Variants in MME observed in about 807,000 individuals in gnomAD.
MME encodes the protein neprilysin.
MME carries 98 observed loss-of-function variants against 113.2 expected under a neutral mutation model. That is an observed-to-expected ratio of 0.87 (90% CI 0.74 to 1.02). MME has a LOEUF of 1.02. Ranked by LOEUF, MME falls within the 50% of genes least tolerant of loss-of-function variation. MME has a pLI of 0.00. For synonymous variants in MME, 292 were observed against 300.6 expected, an observed-to-expected ratio of 0.97 and a Z score of 0.30; for missense variants, 836 against 896.0, an observed-to-expected ratio of 0.93 and a Z score of 0.86.
In MME at chr3:155,088,570, CT is replaced by C. The variant is rs533649147; in HGVS notation, c.196+3477del. Among the ~76,000 whole-genome samples, 68 of 151,672 alleles carry C rather than the reference CT, an allele frequency of 4.5e-4. No homozygotes were observed. The East Asian group carries it at 7.8e-3, about 17-fold the overall frequency. Reference sequence around the variant, plus strand: ...TGGTGGCGCATGCCTGTAATTCCAGCTACTCAGGAGGCTGAGGCAGGAGAAT... The same window carrying C: ...TGGTGGCGCATGCCTGTAATTCCAGCACTCAGGAGGCTGAGGCAGGAGAAT... On this transcript the variant is annotated intron_variant, in intron 3 of 22. Coordinates refer to ENST00000360490, the MANE Select transcript of MME (RefSeq NM_007289.4).
chr3:155,113,646 G>A (rs1197457587), intron 3 of MME, among the ~76,000 whole-genome samples: 1 of 152,132 alleles, frequency 6.6e-6, no homozygotes, highest in Non-Finnish European at 1.5e-5. Flanking sequence ...TTGGTTTGTG[G>A]AAGATGTGTA....
intron 1 of MME, among the ~76,000 whole-genome samples, chr3:155,041,015 A>G (rs1559889379): frequency 6.6e-6 from 1 of 152,178 alleles, no homozygotes; most frequent in Non-Finnish European, 1.5e-5. Context: ...CTCTCTCTAT[A>G]TGTACATTTT....
At chr3:155,110,724 T>C (rs987988520) in intron 3 of MME, among the ~76,000 whole-genome samples, 1 of 152,224 alleles carries the variant, frequency 6.6e-6, no homozygotes, top group African/African-American at 2.4e-5. Context: ...TGCATGTTCA[T>C]CTAATACAAA....
chr3:155,146,234 G>A (rs1261385889), intron 14 of MME, among the ~76,000 whole-genome samples: 1 of 152,112 alleles, frequency 6.6e-6, no homozygotes, highest in East Asian at 1.9e-4. Flanking sequence ...TTTAGAAGTA[G>A]TGATAAATAG....
At chr3:155,053,748 A>C (rs1362971865) in intron 1 of MME, among the ~76,000 whole-genome samples, 1 of 152,180 alleles carries the variant, frequency 6.6e-6, no homozygotes, top group Non-Finnish European at 1.5e-5. Context: ...TCAGTCACAA[A>C]TATTTGTTCA....
intron 3 of MME, among the ~76,000 whole-genome samples, chr3:155,107,796 A>G (rs1333229149): frequency 6.6e-6 from 1 of 152,206 alleles, no homozygotes; most frequent in Non-Finnish European, 1.5e-5. Flanking sequence ...AGGGAACTAT[A>G]GACAAGGATC....
chr3:155,106,962 G>T (rs1021748295), intron 3 of MME, among the ~76,000 whole-genome samples: 1 of 152,218 alleles, frequency 6.6e-6, no homozygotes, highest in Non-Finnish European at 1.5e-5. Context: ...TGTGTTTGGG[G>T]TTAGGAAGCT....
intron 1 of MME, among the ~76,000 whole-genome samples, chr3:155,035,638 G>A (rs1713104163): frequency 6.6e-6 from 1 of 151,288 alleles, no homozygotes; most frequent in African/African-American, 2.4e-5. Context: ...TATATGGGGG[G>A]CAGGTACCCA....
chr3:155,081,822 A>T lies in MME; in HGVS notation c.-11+1356A>T, dbSNP rs2108159231. On this transcript the variant is annotated intron_variant, in intron 1 of 22. Transcript: ENST00000360490. ...AATGAACGACAAAGTTAATTAGGAG[A>T]TTAAACTTGCATCATTTCTGCTTTT... The T allele has an allele frequency of 2.0e-5, 3 of 152,332 alleles. No individual in the cohort carries two copies. The South Asian group carries it at 6.2e-4, about 32-fold the overall frequency. The allele number at this position is 152,332 out of a possible 1,614,324, so 9.4% of individuals were successfully genotyped here.
intron 1 of MME, among the ~76,000 whole-genome samples, chr3:155,065,102 C>A (rs1288834631): frequency 1.3e-5 from 2 of 152,154 alleles, no homozygotes; most frequent in East Asian, 1.9e-4. Flanking sequence ...AGAGTACATT[C>A]TGTGGTTGCA....
intron 1 of MME, among the ~76,000 whole-genome samples, chr3:155,045,271 C>G (rs1399608836): frequency 6.6e-6 from 1 of 152,022 alleles, no homozygotes; most frequent in African/African-American, 2.4e-5. Flanking sequence ...CTGCCTCAGC[C>G]TCCTGAGTAG....
In MME at chr3:155,168,794, C is replaced by G. The variant is rs1274938276; in HGVS notation, c.1977C>G (p.Tyr659Ter). 6.2e-7 allele frequency: 1 copy of G among 1,609,138 alleles called. No homozygotes were observed. The highest frequency in any genetic ancestry group is 8.5e-7 in the Non-Finnish European group (1 of 1,175,918). The change falls in exon 20 of 23, where the codon TAC (tyrosine) becomes TAG (stop). Residue 659 changes from tyrosine (Y) to a stop codon, truncating the protein, a stop_gained. Transcript: ENST00000360490. LOFTEE classifies it high-confidence loss of function. ...ATAATGGAGGTCTTGGTCAAGCATA[C>G]AGAGTAAGTAAAAAAGATTTTCTTT... is the stretch of plus-strand genomic sequence containing the variant. ...IADNGGLGQAYRAYQNYIKKN... is the reference protein window; with the variant it reads ...IADNGGLGQA
Position 155,033,064 on chromosome 3 carries a change from G to A in MME, c.-11+8740G>A, listed in dbSNP as rs186281072. The stretch of plus-strand genomic sequence containing the variant: ...CTGAGTTAGGTACAGGGCAATAAAG[G>A]AGAAAGTTAATCTATAAAAAAGACC... On this transcript the variant is annotated intron_variant, in intron 1 of 22. Transcript: ENST00000492661. Among the ~76,000 whole-genome samples the A allele has an allele frequency of 3.0e-3, 464 of 152,306 alleles. 2 individuals carry two copies. The highest frequency in any genetic ancestry group is 9.6e-3 in the African/African-American group (399 of 41,568).
intron 1 of MME, among the ~76,000 whole-genome samples, chr3:155,072,093 G>T (rs954281043): frequency 2.7e-5 from 4 of 149,760 alleles, no homozygotes; most frequent in African/African-American, 4.9e-5. Flanking sequence ...CCCGGGAAGC[G>T]GAGCTTGCAG....
intron 1 of MME, among the ~76,000 whole-genome samples, chr3:155,039,219 T>G (rs1054322907): frequency 1.3e-5 from 2 of 152,184 alleles, no homozygotes; most frequent in Admixed American, 6.5e-5. Context: ...CAAGGTGGTT[T>G]GACAGACGAT....
In MME at chr3:155,083,771, T is replaced by A. The variant is rs111869978; in HGVS notation, c.-10-387T>A. On this transcript the variant is annotated intron_variant, in intron 1 of 22. Transcript: ENST00000360490. ...AGCAAGATATAAAATTAACCATTGATGTTAGTCCAGAGTTCAAAAGGGTGA... is the reference window on the plus strand; with the variant it reads ...AGCAAGATATAAAATTAACCATTGAAGTTAGTCCAGAGTTCAAAAGGGTGA... 4.5e-3 allele frequency: 1,010 copies of A among 225,256 alleles called. 8 individuals are homozygous for A. The highest frequency in any genetic ancestry group is 0.022 in the African/African-American group (928 of 42,784). 14.0% of individuals were successfully genotyped at this position (225,256 alleles called of 1,614,324 possible).
intron 1 of MME, among the ~76,000 whole-genome samples, chr3:155,044,956 A>G (rs556865161): frequency 6.6e-6 from 1 of 151,680 alleles, no homozygotes; most frequent in East Asian, 1.9e-4. Flanking sequence ...TTTGGTGGGA[A>G]GTCAAATTTT....
At chr3:155,154,833 C>T (rs1190626612) in intron 16 of MME, among the ~76,000 whole-genome samples, 1 of 152,238 alleles carries the variant, frequency 6.6e-6, no homozygotes, top group East Asian at 1.9e-4. Context: ...GAGCACCGGA[C>T]ACTTGAGACA....
rs1722693515 is a variant in MME, at chr3:155,161,121, A to AAAAT, written c.1660+675_1660+678dup. ...AATAACTGAATGACATAATATGACA[A>AAAAT]AAATATTTTCTTCTTCTTGGGAAGG... On this transcript the variant is annotated intron_variant, in intron 17 of 22. Coordinates refer to ENST00000360490, the MANE Select transcript of MME (RefSeq NM_007289.4). Among the ~76,000 whole-genome samples the AAAAT allele has an allele frequency of 2.0e-5, 3 of 152,294 alleles. No homozygotes were observed. In the South Asian group the frequency reaches 6.2e-4, roughly 32 times the overall value.
Sources: gnomAD v4.1 joint callset for allele counts (sites outside exome capture counted in the v4.1 genomes callset) on GRCh38, gnomAD v4.1.1 for gene constraint, MANE v1.5 for transcripts, NCBI Gene and HGNC (gene_info 2026-07-23, HGNC 2026-07-21) for gene names.